DNAJC1: variants seen among roughly 807,000 people sequenced by gnomAD.
The protein encoded by DNAJC1 is dnaJ homolog subfamily C member 1.
Under a neutral mutation model 76.6 loss-of-function variants are expected in DNAJC1, and 58 were observed. The ratio of observed to expected loss-of-function variants is 0.76; its 90% CI spans 0.61 to 0.94. DNAJC1 has a LOEUF of 0.94. Among genes scored for constraint, DNAJC1 ranks in the 40% least tolerant of loss-of-function variants. The pLI, the probability that DNAJC1 is intolerant of heterozygous loss-of-function variation, is 0.00. For synonymous variants in DNAJC1, 258 were observed against 267.9 expected (o/e 0.96, Z 0.36); for missense variants, 689 against 677.3 (o/e 1.02, Z -0.19).
At chr10:22,001,025 A>G (rs931132044) in intron 1 of DNAJC1, among the ~76,000 whole-genome samples, 2 of 152,146 alleles carry the variant, frequency 1.3e-5, no homozygotes, top group Non-Finnish European at 2.9e-5. Flanking sequence ...ACCATATAAC[A>G]TTTATATTTA....
At chr10:21,855,466 G>T (rs891841804) in intron 8 of DNAJC1, among the ~76,000 whole-genome samples, 1 of 151,998 alleles carries the variant, frequency 6.6e-6, no homozygotes, top group African/African-American at 2.4e-5. Context: ...GCAAAGCTCA[G>T]ATTTTTGAAA....
chr10:21,815,499 G>A (rs1435106942), intron 8 of DNAJC1, among the ~76,000 whole-genome samples: 1 of 152,132 alleles, frequency 6.6e-6, no homozygotes, highest in East Asian at 1.9e-4. Context: ...TGACACAGGA[G>A]TTTTAAGTTT....
chr10:21,943,028 A>G (rs1400777770), intron 1 of DNAJC1, among the ~76,000 whole-genome samples: 1 of 151,650 alleles, frequency 6.6e-6, no homozygotes. Flanking sequence ...CTGACAAGTT[A>G]AAAAAATTTT....
chr10:21,768,705 A>C (rs1352415166), intron 9 of DNAJC1, among the ~76,000 whole-genome samples: 1 of 152,212 alleles, frequency 6.6e-6, no homozygotes, highest in African/African-American at 2.4e-5. Flanking sequence ...CTTCCTATTT[A>C]ATGTAAACAA....
intron 9 of DNAJC1, among the ~76,000 whole-genome samples, chr10:21,783,369 G>T: frequency 6.6e-6 from 1 of 152,066 alleles, no homozygotes; most frequent in East Asian, 1.9e-4. Flanking sequence ...TCTTCAAGGA[G>T]AACTACAAAC....
intron 8 of DNAJC1, among the ~76,000 whole-genome samples, chr10:21,880,139 A>G (rs1836249550): frequency 6.6e-6 from 1 of 152,194 alleles, no homozygotes; most frequent in Non-Finnish European, 1.5e-5. Context: ...TATCTCTTCA[A>G]GTTTGACCAT....
intron 11 of DNAJC1, among the ~76,000 whole-genome samples, chr10:21,758,317 C>T (rs1173429456): frequency 6.6e-6 from 1 of 152,222 alleles, no homozygotes; most frequent in Non-Finnish European, 1.5e-5. Context: ...CCTGGTTCCT[C>T]GACTAACAAT....
intron 8 of DNAJC1, among the ~76,000 whole-genome samples, chr10:21,830,401 C>T (rs1445445196): frequency 6.6e-6 from 1 of 152,118 alleles, no homozygotes; most frequent in African/African-American, 2.4e-5. Context: ...TTTCCCTCAG[C>T]ACTTTGAGGA....
In DNAJC1 at chr10:21,820,289, G is replaced by C. The variant is rs574786676; in HGVS notation, c.979-14190C>G. Among the ~76,000 whole-genome samples the C allele has an allele frequency of 2.7e-5, 4 of 146,816 alleles. No individual in the cohort carries two copies. The East Asian group carries it at 5.8e-4, about 21-fold the overall frequency. ...TACTGCTGAAAAATATTCTATGTCT[G>C]GGGGGGATATGCCACATTTTGTCTG... On this transcript the variant is annotated intron_variant, in intron 8 of 11. Transcript: ENST00000376980.
intron 1 of DNAJC1, among the ~76,000 whole-genome samples, chr10:21,951,957 A>G (rs777065045): frequency 9.9e-5 from 15 of 152,230 alleles, no homozygotes; most frequent in Non-Finnish European, 2.1e-4. Context: ...AAATAAAGCA[A>G]CACATGGCTT....
At chr10:21,996,461 A>C (rs925462099) in intron 1 of DNAJC1, among the ~76,000 whole-genome samples, 1 of 152,224 alleles carries the variant, frequency 6.6e-6, no homozygotes, top group Non-Finnish European at 1.5e-5. Flanking sequence ...TTTTATTCTC[A>C]ACATTGAACA....
chr10:21,834,387 G>A (rs780614636), intron 8 of DNAJC1, among the ~76,000 whole-genome samples: 7 of 152,244 alleles, frequency 4.6e-5, no homozygotes, highest in Non-Finnish European at 7.3e-5. Context: ...ACAGCTACCA[G>A]CGTGAGCAAC....
In DNAJC1 at chr10:21,882,405, A is replaced by T. The variant is rs760634881; in HGVS notation, c.855T>A (p.Phe285Leu). 1.3e-6 allele frequency: 2 copies of T among 1,523,442 alleles called. No homozygotes were observed. The highest frequency in any genetic ancestry group is 2.7e-5 in the South Asian group (2 of 74,926). 94.4% of individuals were successfully genotyped at this position (1,523,442 alleles called of 1,614,324 possible). Residue 285 changes from phenylalanine to leucine, a missense_variant, in exon 8 of 12, where the codon TTT becomes TTA. Coordinates refer to ENST00000376980, the MANE Select transcript of DNAJC1 (RefSeq NM_022365.4). The part of the protein sequence containing the change: ...QKKVKKPKPE[F>L]PVYTPLETTY... The stretch of plus-strand genomic sequence containing the variant: ...TAGTTTCTAAAGGTGTGTATACAGG[A>T]AATTCAGGTTTTGGTTTTTTAACTT...
chr10:21,765,857 C>T (rs1834294429), intron 10 of DNAJC1, among the ~76,000 whole-genome samples: 1 of 151,772 alleles, frequency 6.6e-6, no homozygotes, highest in Non-Finnish European at 1.5e-5. Flanking sequence ...AAAAAGGAAA[C>T]ATAAATGCCT....
At chr10:21,940,475 A>G (rs751718342) in intron 1 of DNAJC1, among the ~76,000 whole-genome samples, 1 of 152,210 alleles carries the variant, frequency 6.6e-6, no homozygotes, top group Non-Finnish European at 1.5e-5. Context: ...TGCTGATAAG[A>G]GAACATTTAT....
At chr10:21,762,236 C>T (rs952015247) in intron 10 of DNAJC1, among the ~76,000 whole-genome samples, 14 of 152,006 alleles carry the variant, frequency 9.2e-5, no homozygotes, top group Admixed American at 2.6e-4. Context: ...CACGCCCAGC[C>T]GAAAATGCAA....
At chr10:21,933,398 G>C (rs1327804769) in intron 1 of DNAJC1, 1 of 152,472 alleles carries the variant, frequency 6.6e-6, no homozygotes, top group East Asian at 1.9e-4. Flanking sequence ...TGGGCAGACA[G>C]ACTGAAAAGT....
intron 1 of DNAJC1, among the ~76,000 whole-genome samples, chr10:21,963,189 CAT>C (rs1837829429): frequency 6.6e-6 from 1 of 152,184 alleles, no homozygotes; most frequent in Non-Finnish European, 1.5e-5. Context: ...CAGAAATATG[CAT>C]ATGTCTCACT....
At chr10:21,780,327 G>A in intron 9 of DNAJC1, among the ~76,000 whole-genome samples, 1 of 152,198 alleles carries the variant, frequency 6.6e-6, no homozygotes, top group Non-Finnish European at 1.5e-5. Flanking sequence ...AGGAAAAAAT[G>A]TTAAGGGCAA....
Sources: gnomAD v4.1 joint callset for allele counts (sites outside exome capture counted in the v4.1 genomes callset) on GRCh38, gnomAD v4.1.1 for gene constraint, MANE v1.5 for transcripts, NCBI Gene and HGNC (gene_info 2026-07-23, HGNC 2026-07-21) for gene names.